Variants in CIROZ observed in about 807,000 individuals in gnomAD.
CIROZ encodes ciliated left-right organizer protein containing ZP-N domains.
the CIROZ span, among the ~76,000 whole-genome samples, chr1:10,967,639 T>C: frequency 2.0e-5 from 3 of 152,180 alleles, no homozygotes; most frequent in African/African-American, 7.2e-5. Flanking sequence ...CTTTAGTGCC[T>C]CAAGCTGTTT....
the CIROZ span, chr1:10,958,675 CAG>C: frequency 1.2e-6 from 2 of 1,612,564 alleles, no homozygotes; most frequent in African/African-American, 2.7e-5. Flanking sequence ...CAGAAACTTC[CAG>C]AGAGTTGCTC....
chr1:10,975,461 C>T, the CIROZ span, among the ~76,000 whole-genome samples: 1 of 146,404 alleles, frequency 6.8e-6, no homozygotes, highest in Non-Finnish European at 1.5e-5. Context: ...TGGTGGTGCA[C>T]ACCTGTAGTC....
chr1:10,970,990 T>A, the CIROZ span, among the ~76,000 whole-genome samples: 5 of 143,496 alleles, frequency 3.5e-5, no homozygotes, highest in Non-Finnish European at 7.5e-5. Context: ...AAGAAAAAAA[T>A]TTTTTGTTTA....
the CIROZ span, among the ~76,000 whole-genome samples, chr1:10,965,336 G>A: frequency 2.6e-5 from 4 of 152,160 alleles, no homozygotes; most frequent in African/African-American, 9.7e-5. Context: ...GAAATGGAAA[G>A]GGGAAGTGGA....
chr1:10,965,755 G>A, the CIROZ span, among the ~76,000 whole-genome samples: 3 of 151,566 alleles, frequency 2.0e-5, no homozygotes, highest in Admixed American at 6.6e-5. Flanking sequence ...CCTGGGAGGC[G>A]GAAGTTGCAG....
the CIROZ span, chr1:10,966,265 T>G: frequency 8.0e-6 from 11 of 1,371,386 alleles, no homozygotes; most frequent in Non-Finnish European, 1.1e-5. Flanking sequence ...AGAGGAATAA[T>G]GGTGCAGTGT....
the CIROZ span, among the ~76,000 whole-genome samples, chr1:10,947,280 C>A: frequency 6.6e-6 from 1 of 152,218 alleles, no homozygotes; most frequent in African/African-American, 2.4e-5. Context: ...GACAGCAGAC[C>A]AAGCCCAGAA....
At chr1:10,958,590 C>T in the CIROZ span, 10 of 1,147,662 alleles carry the variant, frequency 8.7e-6, no homozygotes, top group Non-Finnish European at 1.3e-5. Context: ...GAGTCTGTAC[C>T]ATCCACGACA....
the CIROZ span, chr1:10,953,939 G>T: frequency 6.7e-7 from 1 of 1,492,568 alleles, no homozygotes; most frequent in Non-Finnish European, 8.9e-7. Context: ...ACAGAAGAAA[G>T]AACCCCAGGG....
chr1:10,975,591 A>G, the CIROZ span, among the ~76,000 whole-genome samples: 1 of 140,914 alleles, frequency 7.1e-6, no homozygotes, highest in Non-Finnish European at 1.5e-5. Context: ...TCTGTCTCAG[A>G]AAAAAAAAAA....
chr1:10,980,607 A>G, the CIROZ span, among the ~76,000 whole-genome samples: 2 of 152,260 alleles, frequency 1.3e-5, no homozygotes, highest in African/African-American at 2.4e-5. Flanking sequence ...TCTGGTGCTG[A>G]GTCCCGGCCT....
chr1:10,969,915 A>G, the CIROZ span: 1 of 1,472,974 alleles, frequency 6.8e-7, no homozygotes, highest in Admixed American at 2.5e-5. Context: ...CAGGCAGGGG[A>G]AGGCAACACA....
chr1:10,973,683 G>A, the CIROZ span, among the ~76,000 whole-genome samples: 1 of 152,142 alleles, frequency 6.6e-6, no homozygotes, highest in Non-Finnish European at 1.5e-5. Context: ...CGCCCCTTCT[G>A]AGTTGGGACG....
At chr1:10,948,856 G>A in the CIROZ span, 1 of 1,479,732 alleles carries the variant, frequency 6.8e-7, no homozygotes, top group South Asian at 1.6e-5. Context: ...TTCACCAAGA[G>A]AGAAGTGGAG....
the CIROZ span, chr1:10,949,634 G>A: frequency 6.2e-7 from 1 of 1,602,972 alleles, no homozygotes; most frequent in African/African-American, 1.3e-5. Context: ...TTTGGCCAGT[G>A]CGTCGGAAGG....
At chr1:10,962,662 G>C in the CIROZ span, among the ~76,000 whole-genome samples, 10 of 152,284 alleles carry the variant, frequency 6.6e-5, no homozygotes, top group Middle Eastern at 3.4e-3. Flanking sequence ...GCCCAGCTCT[G>C]TTGCTACCAG....
chr1:10,966,500 C>A, the CIROZ span: 5 of 1,527,966 alleles, frequency 3.3e-6, no homozygotes, highest in South Asian at 6.0e-5. Context: ...GAGAAAGGGA[C>A]AGAAACGTGG....
At chr1:10,955,295 C>T in the CIROZ span, 1 of 994,798 alleles carries the variant, frequency 1.0e-6, no homozygotes, top group African/African-American at 1.6e-5. Flanking sequence ...GCCGGCACAG[C>T]ACACTTCCCC....
At chr1:10,953,447 A>G in the CIROZ span, among the ~76,000 whole-genome samples, 2 of 152,138 alleles carry the variant, frequency 1.3e-5, no homozygotes. Flanking sequence ...CCTAGCATGA[A>G]GGCATACACC....
Sources: allele counts gnomAD v4.1 joint callset (sites outside exome capture counted in the v4.1 genomes callset), GRCh38; gene constraint gnomAD v4.1.1; transcripts MANE v1.5; gene names NCBI Gene and HGNC (gene_info 2026-07-23, HGNC 2026-07-21).